The following BMPR1A variants were observed in gnomAD, a reference collection of about 807,000 sequenced individuals.
BMPR1A encodes bone morphogenetic protein receptor type 1A.
Under a neutral mutation model 66.0 loss-of-function variants are expected in BMPR1A, and 7 were observed. The observed-to-expected ratio is 0.11, with a 90% CI of 0.06 to 0.20. The LOEUF is 0.20. BMPR1A is among the 10% of genes least tolerant of loss of function. The pLI, the probability that BMPR1A is intolerant of heterozygous loss-of-function variation, is 1.00. For synonymous variants in BMPR1A, 200 were observed against 229.7 expected, an observed-to-expected ratio of 0.87 and a Z score of 1.17; for missense variants, 408 against 669.1, an observed-to-expected ratio of 0.61 and a Z score of 4.31.
chr10:86,765,432 C>T (rs1347863772), intron 1 of BMPR1A, among the ~76,000 whole-genome samples: 2 of 139,706 alleles, frequency 1.4e-5, no homozygotes, highest in African/African-American at 5.3e-5. Context: ...TGCAGTGAGC[C>T]GAGATTGCAC....
At chr10:86,854,204 C>T (rs1027064132) in intron 2 of BMPR1A, among the ~76,000 whole-genome samples, 5 of 152,152 alleles carry the variant, frequency 3.3e-5, no homozygotes, top group East Asian at 1.9e-4. Context: ...GGCTCACCGG[C>T]GGTCAGAGTT....
At chr10:86,863,960 G>A (rs895712759) in intron 2 of BMPR1A, among the ~76,000 whole-genome samples, 5 of 152,118 alleles carry the variant, frequency 3.3e-5, no homozygotes, top group African/African-American at 1.2e-4. Context: ...CAGGTGGGAA[G>A]GGAAAAAAAG....
intron 5 of BMPR1A, among the ~76,000 whole-genome samples, chr10:86,892,811 C>A (rs115334749): frequency 6.7e-6 from 1 of 148,296 alleles, no homozygotes; most frequent in African/African-American, 2.5e-5. Flanking sequence ...TGCAGTTAGC[C>A]GAGATCGTTC....
At chr10:86,790,280 A>G (rs528720257) in intron 1 of BMPR1A, among the ~76,000 whole-genome samples, 7 of 144,532 alleles carry the variant, frequency 4.8e-5, no homozygotes, top group South Asian at 2.3e-4. Context: ...TAGGATGTCT[A>G]TAATCAAAAA....
intron 10 of BMPR1A, among the ~76,000 whole-genome samples, chr10:86,919,948 T>G (rs1564724506): frequency 2.0e-5 from 3 of 152,144 alleles, no homozygotes; most frequent in African/African-American, 4.8e-5. Context: ...GCTCAGCTGA[T>G]CCTCCCAAAG....
chr10:86,890,712 G>A (rs979692323), intron 4 of BMPR1A, among the ~76,000 whole-genome samples: 3 of 152,060 alleles, frequency 2.0e-5, no homozygotes, highest in Admixed American at 2.0e-4. Context: ...GGGATTACTA[G>A]GGTGAGCTGC....
At chr10:86,806,730 T>A (rs1308251981) in intron 1 of BMPR1A, among the ~76,000 whole-genome samples, 2 of 151,934 alleles carry the variant, frequency 1.3e-5, no homozygotes, top group African/African-American at 4.8e-5. Context: ...TTTTTTTTTT[T>A]AAAGTATAAA....
intron 2 of BMPR1A, among the ~76,000 whole-genome samples, chr10:86,864,394 C>G (rs532160825): frequency 3.3e-5 from 5 of 152,312 alleles, no homozygotes; most frequent in Admixed American, 6.5e-5. Context: ...ATTTCAACCT[C>G]TGTCACGACC....
At chr10:86,821,267 T>C (rs959467983) in intron 1 of BMPR1A, among the ~76,000 whole-genome samples, 3 of 152,220 alleles carry the variant, frequency 2.0e-5, no homozygotes, top group Non-Finnish European at 2.9e-5. Flanking sequence ...ATCTTGAAAA[T>C]AGTTATAACA....
At chr10:86,855,248 A>C in intron 2 of BMPR1A, 1 of 1,077,630 alleles carries the variant, frequency 9.3e-7, no homozygotes, top group South Asian at 3.2e-5. Context: ...TCAGACACAC[A>C]GAAGCATAAT....
At chr10:86,794,394 C>A in intron 1 of BMPR1A, among the ~76,000 whole-genome samples, 1 of 149,520 alleles carries the variant, frequency 6.7e-6, no homozygotes, top group East Asian at 1.9e-4. Flanking sequence ...TAATGCTTGT[C>A]TGTATGTACT....
In BMPR1A at chr10:86,899,996, AATTGTTTAC is replaced by A. The variant is rs1190417498; in HGVS notation, c.431-21_431-13del. 1.2e-6 allele frequency: 2 copies of A among 1,612,834 alleles called. No individual in the cohort carries two copies. Among genetic ancestry groups the A allele is most frequent in the South Asian group, 2.2e-5 (2 of 91,050 alleles). On this transcript the variant is annotated intron_variant, in intron 6 of 12. Transcript: ENST00000372037. ...ACACGTCAGATTATTTTTTCATTTC[AATTGTTTAC>A]ATTGTTTACTTTTATTGTCAGGTCC...
chr10:86,840,021 G>T (rs1842404240), intron 2 of BMPR1A, among the ~76,000 whole-genome samples: 1 of 152,116 alleles, frequency 6.6e-6, no homozygotes, highest in Non-Finnish European at 1.5e-5. Flanking sequence ...ATTTAAAGAG[G>T]TAGGAGCTGC....
Position 86,890,851 on chromosome 10 carries a change from G to A in BMPR1A, c.230+627G>A, listed in dbSNP as rs74923366. On this transcript the variant is annotated intron_variant, in intron 4 of 12. Coordinates refer to ENST00000372037, the MANE Select transcript of BMPR1A (RefSeq NM_004329.3). ...CCAATCCAAATCTGATTTATAAAAT[G>A]ATTTTAATTTTTCTAGTGTATTTCG... is the stretch of plus-strand genomic sequence containing the variant. Among the ~76,000 whole-genome samples, 38 of 152,210 alleles carry A rather than the reference G, an allele frequency of 2.5e-4. 1 individual carries two copies. The East Asian group carries it at 4.2e-3, about 17-fold the overall frequency.
chr10:86,791,290 G>A (rs1018575459), intron 1 of BMPR1A, among the ~76,000 whole-genome samples: 4 of 150,254 alleles, frequency 2.7e-5, no homozygotes, highest in African/African-American at 9.8e-5. Flanking sequence ...TCGGCTCACT[G>A]CAAGCTCCGC....
intron 2 of BMPR1A, among the ~76,000 whole-genome samples, chr10:86,847,648 G>A (rs540150904): frequency 8.6e-5 from 13 of 152,018 alleles, no homozygotes; most frequent in South Asian, 8.3e-4. Flanking sequence ...CCAGGAGTTC[G>A]AGACCCCATC....
intron 1 of BMPR1A, among the ~76,000 whole-genome samples, chr10:86,779,825 T>C (rs1184126908): frequency 6.6e-6 from 1 of 152,158 alleles, no homozygotes; most frequent in African/African-American, 2.4e-5. Flanking sequence ...TTGTCTCAAA[T>C]TCCTGGCCTT....
chr10:86,899,937 C>T (rs749007016), intron 6 of BMPR1A, 47 bp downstream of exon 6: 2 of 1,610,098 alleles, frequency 1.2e-6, no homozygotes, highest in Non-Finnish European at 8.5e-7. Flanking sequence ...AATATCTTCT[C>T]TGGTTTTACA....
chr10:86,849,535 C>T (rs996966808), intron 2 of BMPR1A, among the ~76,000 whole-genome samples: 1 of 152,222 alleles, frequency 6.6e-6, no homozygotes, highest in Non-Finnish European at 1.5e-5. Flanking sequence ...CCAGTAACTT[C>T]TGTGCCTTAG....
Sources: allele counts gnomAD v4.1 joint callset (sites outside exome capture counted in the v4.1 genomes callset), GRCh38; gene constraint gnomAD v4.1.1; transcripts MANE v1.5; gene names NCBI Gene and HGNC (gene_info 2026-07-23, HGNC 2026-07-21).